Variants in AKT3 observed in about 807,000 individuals in gnomAD.
AKT3 encodes RAC-gamma serine/threonine-protein kinase.
Under a neutral mutation model 65.3 loss-of-function variants are expected in AKT3, and 15 were observed. The observed-to-expected ratio is 0.23, with a 90% confidence interval of 0.15 to 0.35. The LOEUF is 0.35. AKT3 is among the 10% of genes least tolerant of loss of function. The probability of loss-of-function intolerance (pLI) is 1.00; values close to 1 mark genes in which losing one functional copy is unlikely to be tolerated. For missense variants in AKT3, 243 were observed against 576.5 expected, an observed-to-expected ratio of 0.42 and a Z score of 5.92; for synonymous variants, 206 against 183.8, an observed-to-expected ratio of 1.12 and a Z score of -0.98.
At chr1:243,631,527 G>C (rs770897179) in intron 6 of AKT3, among the ~76,000 whole-genome samples, 1 of 152,142 alleles carries the variant, frequency 6.6e-6, no homozygotes, top group Admixed American at 6.5e-5. Flanking sequence ...GACCTCAAGC[G>C]ATCTGCCTGC....
chr1:243,794,633 CAAG>C (rs1691839563), intron 2 of AKT3, among the ~76,000 whole-genome samples: 3 of 152,130 alleles, frequency 2.0e-5, no homozygotes, highest in South Asian at 4.1e-4. Context: ...GGCTCAGACA[CAAG>C]AAGAAGAGTA....
At chr1:243,694,443 T>A (rs1244630563) in intron 3 of AKT3, among the ~76,000 whole-genome samples, 2 of 152,056 alleles carry the variant, frequency 1.3e-5, no homozygotes, top group Non-Finnish European at 2.9e-5. Context: ...AAAAAAGATG[T>A]TTTCCTTAAC....
Position 243,683,951 on chromosome 1 carries a change from A to C in AKT3, c.172+11640T>G, listed in dbSNP as rs192978615. Among the ~76,000 whole-genome samples, 533 of 152,308 alleles carry C rather than the reference A, an allele frequency of 3.5e-3. 2 individuals are homozygous for C. Among genetic ancestry groups the C allele is most frequent in the African/African-American group, 0.012 (516 of 41,572 alleles). Reference sequence around the variant, plus strand: ...AAGAAAAAACAACTTCTGACTAAAAAGGGAATAACAACAGTCACACAGGTC... The same window carrying C: ...AAGAAAAAACAACTTCTGACTAAAACGGGAATAACAACAGTCACACAGGTC... On this transcript the variant is annotated intron_variant, in intron 3 of 13. Transcript: ENST00000673466.
At chr1:243,563,581 TA>T (rs1343236846) in intron 10 of AKT3, 138 bp downstream of exon 10, 11 of 1,057,874 alleles carry the variant, frequency 1.0e-5, no homozygotes, top group Non-Finnish European at 1.3e-5. Flanking sequence ...TATAACAAAT[TA>T]AGAGCCAAAA....
intron 2 of AKT3, among the ~76,000 whole-genome samples, chr1:243,737,371 T>C (rs986034469): frequency 1.3e-5 from 2 of 152,190 alleles, no homozygotes; most frequent in Non-Finnish European, 2.9e-5. Flanking sequence ...ATGGGTGTAA[T>C]TGTTATTCCC....
At chr1:243,835,492 C>T (rs191439540) in intron 2 of AKT3, among the ~76,000 whole-genome samples, 14 of 152,050 alleles carry the variant, frequency 9.2e-5, no homozygotes, top group Admixed American at 5.9e-4. Flanking sequence ...TAGAACAATA[C>T]CTAAAAAAGC....
At position 243,528,086 on chromosome 1, in the gene AKT3, G is replaced by T. The variant is rs76451913; in HGVS notation, c.1252-15660C>A. ...TTCTTTCCAATTGATGTCACTACAA[G>T]GGTATCCCACCTCCTTTCTATAGGT... On this transcript the variant is annotated intron_variant, in intron 12 of 13. Coordinates refer to ENST00000673466, the MANE Select transcript of AKT3 (RefSeq NM_005465.7). Among the ~76,000 whole-genome samples the T allele has an allele frequency of 6.4e-4, 97 of 152,224 alleles. 1 individual carries two copies. In the East Asian group the frequency reaches 0.015, roughly 24 times the overall value.
chr1:243,496,645 G>A (rs986517848), downstream of AKT3, among the ~76,000 whole-genome samples: 2 of 152,200 alleles, frequency 1.3e-5, no homozygotes, highest in African/African-American at 2.4e-5. Context: ...GAGCAGGGGC[G>A]AGGGGTGCCA....
intron 12 of AKT3, among the ~76,000 whole-genome samples, chr1:243,518,013 G>T (rs780628394): frequency 6.6e-6 from 1 of 152,192 alleles, no homozygotes; most frequent in Non-Finnish European, 1.5e-5. Context: ...CCTTTTTAGA[G>T]ATCAGGAAAT....
intron 2 of AKT3, among the ~76,000 whole-genome samples, chr1:243,698,125 C>G (rs746126994): frequency 6.6e-6 from 1 of 151,954 alleles, no homozygotes; most frequent in Admixed American, 6.6e-5. Context: ...TCCTTAATTG[C>G]TCTTATTTTA....
chr1:243,522,838 T>C (rs929229517), intron 12 of AKT3, among the ~76,000 whole-genome samples: 1 of 152,174 alleles, frequency 6.6e-6, no homozygotes, highest in Admixed American at 6.5e-5. Flanking sequence ...GTATCTATTA[T>C]TTTTATAGAG....
At chr1:243,844,537 G>C (rs892368834) in intron 1 of AKT3, among the ~76,000 whole-genome samples, 2 of 152,094 alleles carry the variant, frequency 1.3e-5, no homozygotes, top group African/African-American at 4.8e-5. Context: ...AGAGTAGAGT[G>C]GCACAATCAT....
intron 2 of AKT3, among the ~76,000 whole-genome samples, chr1:243,716,240 G>T (rs904490821): frequency 6.6e-6 from 1 of 152,014 alleles, no homozygotes; most frequent in Admixed American, 6.6e-5. Context: ...TCATAAATAA[G>T]AATTACAGAA....
intron 2 of AKT3, among the ~76,000 whole-genome samples, chr1:243,777,795 A>G (rs765204931): frequency 3.2e-4 from 49 of 152,200 alleles, no homozygotes; most frequent in Non-Finnish European, 1.3e-4. Context: ...GAAAGTACAG[A>G]TACTGATTCC....
At position 243,537,442 on chromosome 1, in the gene AKT3, C is replaced by T. The variant is rs141156927; in HGVS notation, c.1251+8068G>A. On this transcript the variant is annotated intron_variant, in intron 12 of 13. Transcript: ENST00000673466. ...ATAATCCTCTTCCTTAAACTTTCTCCCAGTATTTTCCCCAGTATTATCAGA... is the reference window on the plus strand; with the variant it reads ...ATAATCCTCTTCCTTAAACTTTCTCTCAGTATTTTCCCCAGTATTATCAGA... Among the ~76,000 whole-genome samples the T allele has an allele frequency of 4.7e-3, 722 of 152,212 alleles. 8 individuals carry two copies. The highest frequency in any genetic ancestry group is 0.017 in the African/African-American group (687 of 41,544).
chr1:243,699,504 TATATATATAA>T (rs1418557182), intron 2 of AKT3, among the ~76,000 whole-genome samples: 5 of 84,868 alleles, frequency 5.9e-5, no homozygotes, highest in African/African-American at 2.1e-4. Flanking sequence ...TATATATATA[TATATATATAA>T]TCTTCATGGG....
At chr1:243,719,640 T>C (rs1320343572) in intron 2 of AKT3, among the ~76,000 whole-genome samples, 1 of 152,168 alleles carries the variant, frequency 6.6e-6, no homozygotes, top group Non-Finnish European at 1.5e-5. Context: ...GTCAAAACAA[T>C]GTTTCCTTTC....
chr1:243,815,801 GAGA>G (rs1693485329), intron 2 of AKT3, among the ~76,000 whole-genome samples: 1 of 151,930 alleles, frequency 6.6e-6, no homozygotes, highest in Non-Finnish European at 1.5e-5. Context: ...TGTTGTTGTA[GAGA>G]TGAGGTTTCA....
At chr1:243,553,431 T>A (rs1163800005) in intron 10 of AKT3, among the ~76,000 whole-genome samples, 1 of 152,154 alleles carries the variant, frequency 6.6e-6, no homozygotes, top group African/African-American at 2.4e-5. Context: ...ACAAAGGCAA[T>A]GTAATGGAGA....
Sources: gnomAD v4.1 joint callset for allele counts (sites outside exome capture counted in the v4.1 genomes callset) on GRCh38, gnomAD v4.1.1 for gene constraint, MANE v1.5 for transcripts, NCBI Gene and HGNC (gene_info 2026-07-23, HGNC 2026-07-21) for gene names.